The following TMC1 variants were observed in gnomAD, a reference collection of about 807,000 sequenced individuals.
TMC1 encodes the protein transmembrane channel like 1, also known as transmembrane channel-like protein 1.
TMC1 carries 84 observed loss-of-function variants against 105.8 expected under a neutral mutation model. The ratio of observed to expected loss-of-function variants is 0.79; its 90% CI spans 0.67 to 0.95. TMC1 has a LOEUF of 0.95. Among genes scored for constraint, TMC1 ranks in the 40% least tolerant of loss-of-function variants. The pLI is 0.00. For missense variants in TMC1, 817 were observed against 914.1 expected (o/e 0.89, Z 1.37); for synonymous variants, 315 against 311.5 (o/e 1.01, Z -0.12).
intron 2 of TMC1, among the ~76,000 whole-genome samples, chr9:72,587,317 C>G (rs912025300): frequency 2.0e-5 from 3 of 152,060 alleles, no homozygotes; most frequent in Non-Finnish European, 4.4e-5. Context: ...CGCCACCACG[C>G]CCAGCTAATT....
intron 13 of TMC1, among the ~76,000 whole-genome samples, chr9:72,777,071 A>G (rs1828017397): frequency 6.6e-6 from 1 of 152,168 alleles, no homozygotes; most frequent in Non-Finnish European, 1.5e-5. Flanking sequence ...GCATATTCCA[A>G]GATAAATCAT....
At chr9:72,754,958 G>A (rs372577741) in intron 12 of TMC1, 74 bp downstream of exon 12, 4 of 1,118,386 alleles carry the variant, frequency 3.6e-6, no homozygotes, top group East Asian at 2.6e-5. Flanking sequence ...GAAACCCACG[G>A]CCTCCTCTCC....
At chr9:72,538,580 G>T (rs550576645) in intron 1 of TMC1, among the ~76,000 whole-genome samples, 1 of 152,196 alleles carries the variant, frequency 6.6e-6, no homozygotes, top group Non-Finnish European at 1.5e-5. Flanking sequence ...GGGATTACAG[G>T]TGTCCACCAC....
chr9:72,619,915 A>G (rs748242697), intron 3 of TMC1, among the ~76,000 whole-genome samples: 40 of 149,994 alleles, frequency 2.7e-4, no homozygotes, highest in Non-Finnish European at 4.2e-4. Context: ...GCTCACTGCA[A>G]CCTCCACCTC....
At chr9:72,751,985 A>G (rs1345255940) in intron 11 of TMC1, 29 bp downstream of exon 11, 5 of 1,358,308 alleles carry the variant, frequency 3.7e-6, no homozygotes, top group East Asian at 2.3e-5. Context: ...TTTACAAAAC[A>G]TGCTGAAAAA....
At chr9:72,749,315 C>T (rs936567215) in intron 10 of TMC1, among the ~76,000 whole-genome samples, 2 of 152,116 alleles carry the variant, frequency 1.3e-5, no homozygotes, top group Non-Finnish European at 2.9e-5. Context: ...ATCTTACATG[C>T]GATTCCAGGG....
chr9:72,541,368 T>C (rs957055048), intron 1 of TMC1, among the ~76,000 whole-genome samples: 5 of 152,218 alleles, frequency 3.3e-5, no homozygotes, highest in Non-Finnish European at 5.9e-5. Flanking sequence ...AGTATTTGTC[T>C]GAATGAATTG....
At chr9:72,792,378 G>T (rs757649653) in intron 17 of TMC1, 26 bp downstream of exon 17, 1 of 1,613,618 alleles carries the variant, frequency 6.2e-7, no homozygotes. Flanking sequence ...GAAGTGTATG[G>T]CAATTAGTAG....
At chr9:72,557,301 G>A (rs1163014769) in intron 1 of TMC1, among the ~76,000 whole-genome samples, 2 of 152,150 alleles carry the variant, frequency 1.3e-5, no homozygotes. Context: ...AACCCGGGGG[G>A]CAAAGATTGC....
At chr9:72,831,594 C>T (rs933456373) in intron 23 of TMC1, among the ~76,000 whole-genome samples, 1 of 151,926 alleles carries the variant, frequency 6.6e-6, no homozygotes, top group African/African-American at 2.4e-5. Context: ...CTGCTCCCCC[C>T]ACCGCACGAC....
intron 2 of TMC1, among the ~76,000 whole-genome samples, chr9:72,606,998 T>TAGAGAGAG (rs566531350): frequency 0.028 from 3,298 of 117,030 alleles, 44 homozygotes; most frequent in Middle Eastern, 0.038. Flanking sequence ...TATATATATA[T>TAGAGAGAG]ATATAGAGAG....
chr9:72,747,556 G>A (rs376928471), intron 10 of TMC1, among the ~76,000 whole-genome samples: 5 of 152,238 alleles, frequency 3.3e-5, no homozygotes, highest in East Asian at 1.9e-4. Flanking sequence ...AGTTTAATAC[G>A]TATCAGAGAC....
At chr9:72,637,675 C>G (rs1286601147) in intron 4 of TMC1, among the ~76,000 whole-genome samples, 1 of 151,880 alleles carries the variant, frequency 6.6e-6, no homozygotes, top group Non-Finnish European at 1.5e-5. Flanking sequence ...TATTTTCTAC[C>G]CAGCATCTGG....
chr9:72,550,417 C>T lies in TMC1; in HGVS notation c.-427-27485C>T, dbSNP rs556054932. On this transcript the variant is annotated intron_variant, in intron 1 of 23. Transcript: ENST00000297784. The stretch of plus-strand genomic sequence containing the variant: ...CCCAGGAAGCAGAGGTTGCAGAGCC[C>T]ATATCGTGCCACTGCACTCTAGCCT... Among the ~76,000 whole-genome samples, 6 of 151,066 alleles carry T rather than the reference C, an allele frequency of 4.0e-5. No homozygotes were observed. In the South Asian group the frequency reaches 1.3e-3, roughly 32 times the overall value.
rs899161947 is a variant in TMC1 at position 72,838,213 on chromosome 9, A to G, written c.*2240A>G. 2.0e-5 allele frequency: 3 copies of G among 152,246 alleles called. No homozygotes were observed. Among genetic ancestry groups the G allele is most frequent in the Non-Finnish European group, 4.4e-5 (3 of 68,040 alleles). 9.4% of individuals were successfully genotyped at this position (152,246 alleles called of 1,614,324 possible). A position where few individuals can be genotyped will look rare whatever the true frequency, so the allele number is the denominator to read the frequency against. ...CATTTTACTATGATGTAAGAAATGG[A>G]TTATCTGTTGATAGGCTGAGTTTAT... On this transcript the variant is annotated 3_prime_UTR_variant, in exon 24 of 24. Transcript: ENST00000297784.
intron 1 of TMC1, among the ~76,000 whole-genome samples, chr9:72,543,448 C>T (rs1405453955): frequency 6.6e-6 from 1 of 152,214 alleles, no homozygotes; most frequent in East Asian, 1.9e-4. Context: ...TGACTCCCCT[C>T]TGATCAATTT....
At chr9:72,723,729 G>A (rs759395818) in intron 8 of TMC1, among the ~76,000 whole-genome samples, 18 of 152,070 alleles carry the variant, frequency 1.2e-4, no homozygotes, top group Non-Finnish European at 1.8e-4. Flanking sequence ...CAATTGTTAG[G>A]GAAGTCAGCT....
At chr9:72,772,035 G>A (rs542720326) in intron 12 of TMC1, among the ~76,000 whole-genome samples, 1 of 152,284 alleles carries the variant, frequency 6.6e-6, no homozygotes, top group East Asian at 1.9e-4. Flanking sequence ...ACAGCACTTT[G>A]AGGAAGCATT....
chr9:72,589,514 G>A (rs908435941), intron 2 of TMC1, among the ~76,000 whole-genome samples: 4 of 152,154 alleles, frequency 2.6e-5, no homozygotes, highest in African/African-American at 9.7e-5. Context: ...TTAGTACACT[G>A]TGGCATTCAC....
Sources: gnomAD v4.1 joint callset for allele counts (sites outside exome capture counted in the v4.1 genomes callset) on GRCh38, gnomAD v4.1.1 for gene constraint, MANE v1.5 for transcripts, NCBI Gene and HGNC (gene_info 2026-07-23, HGNC 2026-07-21) for gene names.